The following CYRIB variants were observed in gnomAD, a reference collection of about 807,000 sequenced individuals.
CYRIB encodes the protein CYFIP-related Rac1 interactor B.
A neutral mutation model predicts 44.2 loss-of-function variants in CYRIB; 8 were observed. The ratio of observed to expected loss-of-function variants is 0.18; its 90% CI spans 0.11 to 0.33. The LOEUF is 0.33. Among genes scored for constraint, CYRIB ranks in the 10% least tolerant of loss-of-function variants. The pLI is 1.00. For missense variants in CYRIB, 185 were observed against 382.8 expected (o/e 0.48, Z 4.31); for synonymous variants, 131 against 127.2 (o/e 1.03, Z -0.20).
chr8:129,841,721 TGG>T (rs2130828650), exon 12 of CYRIB: 1 of 156,618 alleles, frequency 6.4e-6, no homozygotes, highest in African/African-American at 2.4e-5. Flanking sequence ...ATTTTCATTT[TGG>T]TTGCACATGA....
chr8:129,922,436 G>C (rs2084179389), intron 1 of CYRIB, among the ~76,000 whole-genome samples: 1 of 152,114 alleles, frequency 6.6e-6, no homozygotes, highest in Non-Finnish European at 1.5e-5. Flanking sequence ...AGACGGTACA[G>C]ATCAGTTTTT....
chr8:129,929,281 A>AAGAGAG (rs967454324), intron 1 of CYRIB, among the ~76,000 whole-genome samples: 1 of 151,582 alleles, frequency 6.6e-6, no homozygotes, highest in Non-Finnish European at 1.5e-5. Context: ...ACACGGGGAG[A>AAGAGAG]AGAGAGAGAG....
At chr8:129,879,717 A>C in intron 2 of CYRIB, 1 of 395,426 alleles carries the variant, frequency 2.5e-6, no homozygotes, top group Non-Finnish European at 4.5e-6. Context: ...TCTTCTCAAA[A>C]TTCTCCCAAG....
intron 2 of CYRIB, among the ~76,000 whole-genome samples, chr8:129,950,243 T>G (rs1811242874): frequency 1.3e-5 from 2 of 152,172 alleles, no homozygotes; most frequent in South Asian, 4.1e-4. Flanking sequence ...TGGTCAGCCT[T>G]AAGTTTTAAT....
intron 1 of CYRIB, among the ~76,000 whole-genome samples, chr8:129,930,365 T>C (rs113980217): frequency 0.01 from 506 of 50,166 alleles, 10 homozygotes; most frequent in Non-Finnish European, 0.016. Flanking sequence ...TGTGAAGTGC[T>C]TATATATATA....
chr8:129,855,457 C>T (rs2045752822), intron 6 of CYRIB, 154 bp downstream of exon 8: 1 of 706,734 alleles, frequency 1.4e-6, no homozygotes, highest in Admixed American at 3.0e-5. Context: ...ATCAAAAGAC[C>T]CGTCATTAAT....
At chr8:129,923,865 A>G (rs578209030) in intron 1 of CYRIB, among the ~76,000 whole-genome samples, 1 of 150,858 alleles carries the variant, frequency 6.6e-6, no homozygotes, top group Non-Finnish European at 1.5e-5. Flanking sequence ...ACATATGTGA[A>G]TATCTAGTAT....
chr8:129,934,317 A>C (rs1590334061), intron 1 of CYRIB, among the ~76,000 whole-genome samples: 2 of 152,194 alleles, frequency 1.3e-5, no homozygotes, highest in East Asian at 3.8e-4. Context: ...AATGCGGTAA[A>C]TCAATGGAAA....
At chr8:130,006,232 A>G (rs766837152) in intron 1 of CYRIB, among the ~76,000 whole-genome samples, 1 of 151,752 alleles carries the variant, frequency 6.6e-6, no homozygotes, top group Non-Finnish European at 1.5e-5. Flanking sequence ...GAACCCAGGA[A>G]GCGGAGGTTG....
At chr8:129,894,582 A>G in intron 2 of CYRIB, 1 of 152,360 alleles carries the variant, frequency 6.6e-6, no homozygotes, top group South Asian at 2.1e-4. Context: ...GTGAGAAGAC[A>G]GGAGGAAGAG....
chr8:129,981,347 C>T (rs1449265815), intron 1 of CYRIB, among the ~76,000 whole-genome samples: 1 of 152,178 alleles, frequency 6.6e-6, no homozygotes, highest in Non-Finnish European at 1.5e-5. Context: ...GATGGGGTTT[C>T]GCCATGTCGG....
At position 129,973,698 on chromosome 8, in the gene CYRIB, C is replaced by T. The variant is rs191077116; in HGVS notation, c.-295-2703G>A. ...GTCATTTAGTTCTTTAAAAAATACT[C>T]GCCTGTAGTCCCAGCTACTCTAGGG... On this transcript the variant is annotated intron_variant, in intron 1 of 14. Coordinates refer to the CYRIB transcript ENST00000401979. 2.4e-4 allele frequency among the ~76,000 whole-genome samples: 36 copies of T among 152,286 alleles called. No homozygotes were observed. The East Asian group carries it at 5.2e-3, about 22-fold the overall frequency.
intron 1 of CYRIB, among the ~76,000 whole-genome samples, chr8:129,983,171 C>T (rs1395159120): frequency 2.0e-5 from 3 of 152,094 alleles, no homozygotes; most frequent in Non-Finnish European, 4.4e-5. Context: ...TAAGGCCGGG[C>T]GCAGTGGCTC....
At chr8:129,943,100 A>G, upstream of CYRIB, among the ~76,000 whole-genome samples, 2 of 24,678 alleles carry the variant, frequency 8.1e-5, no homozygotes, top group Admixed American at 3.0e-4. Context: ...GCCCCCCCGC[A>G]CTGTGTCCTA....
chr8:129,880,298 G>T, intron 2 of CYRIB: 1 of 722,114 alleles, frequency 1.4e-6, no homozygotes, highest in Non-Finnish European at 1.7e-6. Flanking sequence ...TATTCTGGCT[G>T]GCCTTCACTG....
chr8:129,847,455 C>T (rs2040710810), intron 10 of CYRIB: 1 of 152,086 alleles, frequency 6.6e-6, no homozygotes, highest in African/African-American at 2.4e-5. Flanking sequence ...CAGAGCGAGA[C>T]TCCGTCACAA....
At chr8:129,935,874 T>C (rs2092707154) in intron 1 of CYRIB, among the ~76,000 whole-genome samples, 1 of 152,212 alleles carries the variant, frequency 6.6e-6, no homozygotes, top group Non-Finnish European at 1.5e-5. Flanking sequence ...TGACCCATGG[T>C]ACCATTATCG....
intron 11 of CYRIB, among the ~76,000 whole-genome samples, chr8:129,845,393 A>G (rs934305674): frequency 6.6e-6 from 1 of 152,194 alleles, no homozygotes; most frequent in Non-Finnish European, 1.5e-5. Flanking sequence ...AGGAGGAAAG[A>G]CTCATGATAT....
intron 4 of CYRIB, among the ~76,000 whole-genome samples, chr8:129,866,501 A>G (rs1403923616): frequency 6.6e-6 from 1 of 151,490 alleles, no homozygotes; most frequent in African/African-American, 2.4e-5. Flanking sequence ...TACTAAAAAA[A>G]AAAATAATAA....
Sources: gnomAD v4.1 joint callset for allele counts (sites outside exome capture counted in the v4.1 genomes callset) on GRCh38, gnomAD v4.1.1 for gene constraint, MANE v1.5 for transcripts, NCBI Gene and HGNC (gene_info 2026-07-23, HGNC 2026-07-21) for gene names.